The following LDLRAD4 variants were observed in gnomAD, a reference collection of about 807,000 sequenced individuals.
The protein encoded by LDLRAD4 is low density lipoprotein receptor class A domain containing 4, also known as low-density lipoprotein receptor class A domain-containing protein 4.
A neutral mutation model predicts 17.0 loss-of-function variants in LDLRAD4; 5 were observed. That is an observed-to-expected ratio of 0.29 (90% CI 0.15 to 0.62). The LOEUF (loss-of-function observed/expected upper bound fraction) is 0.62. LDLRAD4 is among the 20% of genes least tolerant of loss of function. The pLI is 0.84. For synonymous variants in LDLRAD4, 168 were observed against 171.8 expected, an observed-to-expected ratio of 0.98 and a Z score of 0.17; for missense variants, 340 against 424.7, an observed-to-expected ratio of 0.80 and a Z score of 1.75.
intron 1 of LDLRAD4, among the ~76,000 whole-genome samples, chr18:13,290,790 T>C (rs2045921465): frequency 6.6e-6 from 1 of 152,216 alleles, no homozygotes; most frequent in South Asian, 2.1e-4. Flanking sequence ...ATCCATTAAT[T>C]TAAATCACAG....
intron 1 of LDLRAD4, among the ~76,000 whole-genome samples, chr18:13,322,810 A>G (rs1294765386): frequency 5.1e-5 from 7 of 136,014 alleles, no homozygotes; most frequent in African/African-American, 1.7e-4. Context: ...TTTTTGATGG[A>G]GACGGGATTT....
At chr18:13,285,979 C>T (rs1332226874) in intron 1 of LDLRAD4, among the ~76,000 whole-genome samples, 2 of 152,148 alleles carry the variant, frequency 1.3e-5, no homozygotes, top group Admixed American at 6.5e-5. Flanking sequence ...TTTAAGCGTA[C>T]GGTTCTGTGG....
chr18:13,367,864 CGA>C lies in LDLRAD4; in HGVS notation c.-382-19473_-382-19472del, dbSNP rs1382268579. ...GGGGGTGTGCTATCAAGGGGTGTAT[CGA>C]GAGGGGACGACTGGGCATGGGGGCG... On this transcript the variant is annotated intron_variant, in intron 1 of 5. Transcript: ENST00000359446. This position sits in a 1 kb window ranked among gnomAD's most constrained non-coding sequence, Gnocchi z 4.1. Among the ~76,000 whole-genome samples the C allele has an allele frequency of 1.3e-5, 2 of 150,982 alleles. No homozygotes were observed. The highest frequency in any genetic ancestry group is 4.9e-5 in the African/African-American group (2 of 41,056).
intron 1 of LDLRAD4, among the ~76,000 whole-genome samples, chr18:13,278,633 G>A (rs779562810): frequency 2.6e-5 from 4 of 152,160 alleles, no homozygotes; most frequent in African/African-American, 7.2e-5. Context: ...TTTTCAGGAA[G>A]GTAAGACATT....
chr18:13,295,085 T>G (rs1447011316), intron 1 of LDLRAD4, among the ~76,000 whole-genome samples: 3 of 152,196 alleles, frequency 2.0e-5, no homozygotes, highest in Admixed American at 1.3e-4. Flanking sequence ...TGTTTCAGGC[T>G]GAGGAATTGG....
intron 1 of LDLRAD4, among the ~76,000 whole-genome samples, chr18:13,365,446 G>A (rs868460988): frequency 1.2e-4 from 18 of 152,212 alleles, no homozygotes; most frequent in African/African-American, 3.6e-4. Flanking sequence ...TTTGTAGTGC[G>A]CTGTGAGAGT....
At chr18:13,405,291 A>C (rs2145592107) in intron 2 of LDLRAD4, among the ~76,000 whole-genome samples, 1 of 152,296 alleles carries the variant, frequency 6.6e-6, no homozygotes, top group South Asian at 2.1e-4. Flanking sequence ...AGGCTTAGAG[A>C]GACAATACAT....
At chr18:13,633,553 C>T (rs1019694432) in intron 4 of LDLRAD4, among the ~76,000 whole-genome samples, 30 of 152,366 alleles carry the variant, frequency 2.0e-4, no homozygotes, top group East Asian at 5.8e-4. Context: ...ACCCAAAGTC[C>T]GGAGGGGGCT....
chr18:13,411,932 T>A (rs1339350769), intron 2 of LDLRAD4, among the ~76,000 whole-genome samples: 1 of 152,172 alleles, frequency 6.6e-6, no homozygotes, highest in East Asian at 1.9e-4. Flanking sequence ...AGCCTTGACC[T>A]CCTGGGCTCA....
At chr18:13,594,688 A>AAAAAAAAAAAAAC (rs2095072565) in intron 3 of LDLRAD4, among the ~76,000 whole-genome samples, 1 of 149,418 alleles carries the variant, frequency 6.7e-6, no homozygotes, top group Non-Finnish European at 1.5e-5. Context: ...AAAAAAAAAA[A>AAAAAAAAAAAAAC]AGAAACAGGA....
At chr18:13,333,102 G>A (rs932376325) in intron 1 of LDLRAD4, among the ~76,000 whole-genome samples, 7 of 151,970 alleles carry the variant, frequency 4.6e-5, no homozygotes, top group East Asian at 1.9e-4. Context: ...TCTGGATTTC[G>A]GCCATTCTAA....
Position 13,397,047 on chromosome 18 carries a change from C to A in LDLRAD4, c.40+9285C>A, listed in dbSNP as rs544093558. On this transcript the variant is annotated intron_variant, in intron 2 of 5. Transcript: ENST00000359446. ...GAGATGGGGGTGTGCCCATTTCACA[C>A]GAGGGTTCTGTCCTAGGCTTGCTGG... Among the ~76,000 whole-genome samples, 9 of 152,338 alleles carry A rather than the reference C, an allele frequency of 5.9e-5. No homozygotes were observed. The South Asian group carries it at 1.9e-3, about 32-fold the overall frequency.
intron 3 of LDLRAD4, among the ~76,000 whole-genome samples, chr18:13,481,944 C>T (rs1029408116): frequency 1.2e-4 from 19 of 152,064 alleles, no homozygotes; most frequent in African/African-American, 3.4e-4. Flanking sequence ...GGGCAGAGGG[C>T]GGAGCAGGGC....
intron 3 of LDLRAD4, among the ~76,000 whole-genome samples, chr18:13,451,430 A>G (rs1048329928): frequency 7.9e-5 from 12 of 152,120 alleles, no homozygotes; most frequent in African/African-American, 2.9e-4. Flanking sequence ...GTGAGATACC[A>G]GTCCCCTTTT....
chr18:13,285,856 TA>T (rs923529523), intron 1 of LDLRAD4, among the ~76,000 whole-genome samples: 1 of 152,018 alleles, frequency 6.6e-6, no homozygotes, highest in Non-Finnish European at 1.5e-5. Flanking sequence ...TTTGTCCCTT[TA>T]AAAAAAACTG....
intron 3 of LDLRAD4, among the ~76,000 whole-genome samples, chr18:13,607,822 C>T (rs1029453373): frequency 2.2e-4 from 34 of 152,220 alleles, no homozygotes; most frequent in African/African-American, 8.2e-4. Flanking sequence ...ATATGTGCCA[C>T]ATTTTCTTTA....
rs1418372985 is a variant in LDLRAD4 at position 13,237,246 on chromosome 18, C to T, written c.-467+18258C>T. On this transcript the variant is annotated intron_variant, in intron 1 of 5. Coordinates refer to the LDLRAD4 transcript ENST00000399848. ...TTACTCTGACTGTCAGATGAGATGG[C>T]GCAGGTGCCCGCTGGGAAATGCAGG... Among the ~76,000 whole-genome samples, 5 of 152,162 alleles carry T rather than the reference C, an allele frequency of 3.3e-5. No individual in the cohort carries two copies. The East Asian group carries it at 5.8e-4, about 18-fold the overall frequency.
chr18:13,574,914 C>T (rs952019753), intron 3 of LDLRAD4, among the ~76,000 whole-genome samples: 5 of 152,206 alleles, frequency 3.3e-5, no homozygotes, highest in South Asian at 4.1e-4. Context: ...TGCCCCCATA[C>T]GTCTCCTCCT....
chr18:13,257,611 GGGA>G (rs1376022788), intron 1 of LDLRAD4, among the ~76,000 whole-genome samples: 1 of 152,184 alleles, frequency 6.6e-6, no homozygotes, highest in Admixed American at 6.5e-5. Context: ...GATCATATAG[GGGA>G]TGATTTTATA....
Sources: allele counts gnomAD v4.1 joint callset (sites outside exome capture counted in the v4.1 genomes callset), GRCh38; gene constraint gnomAD v4.1.1; non-coding constraint Gnocchi (gnomAD v3.1); transcripts MANE v1.5; gene names NCBI Gene and HGNC (gene_info 2026-07-23, HGNC 2026-07-21).